The following DMTF1 variants were observed in gnomAD, a reference collection of about 807,000 sequenced individuals.
The protein encoded by DMTF1 is cyclin-D-binding Myb-like transcription factor 1.
Under a neutral mutation model 91.1 loss-of-function variants are expected in DMTF1, and 39 were observed. That is an observed-to-expected ratio of 0.43 (90% CI 0.33 to 0.56). The LOEUF (loss-of-function observed/expected upper bound fraction) is 0.56, where lower values mean the gene tolerates loss of function less well. Among genes scored for constraint, DMTF1 ranks in the 20% least tolerant of loss-of-function variants. DMTF1 has a pLI of 0.05. For synonymous variants in DMTF1, 338 were observed against 309.5 expected (o/e 1.09, Z -0.97); for missense variants, 750 against 914.5 (o/e 0.82, Z 2.32).
chr7:87,190,061 C>T (rs569443759), intron 13 of DMTF1, among the ~76,000 whole-genome samples: 3 of 152,138 alleles, frequency 2.0e-5, no homozygotes, highest in East Asian at 1.9e-4. Flanking sequence ...TCATATTTCA[C>T]ATAATTTACC....
At position 87,182,745 on chromosome 7, in the gene DMTF1, G is replaced by C. The variant is rs558947863; in HGVS notation, c.820+408G>C. On this transcript the variant is annotated intron_variant, in intron 10 of 17. Coordinates refer to ENST00000331242, the MANE Select transcript of DMTF1 (RefSeq NM_001142327.2). Reference sequence around the variant, plus strand: ...TGTTTATGAAAAACTTTAGTCACAGGTAAGTCCCAAATTAGGAAGAAGCTG... The same window carrying C: ...TGTTTATGAAAAACTTTAGTCACAGCTAAGTCCCAAATTAGGAAGAAGCTG... 1.2e-4 allele frequency among the ~76,000 whole-genome samples: 18 copies of C among 152,302 alleles called. No individual in the cohort carries two copies. In the East Asian group the frequency reaches 3.5e-3, roughly 29 times the overall value.
rs868601674 is a variant in DMTF1 at position 87,179,790 on chromosome 7, G to C, written c.677+88G>C. The C allele has an allele frequency of 8.1e-6, 10 of 1,227,072 alleles. No individual in the cohort carries two copies. In the Middle Eastern group the frequency reaches 1.9e-3, roughly 234 times the overall value. 76.0% of individuals were successfully genotyped at this position (1,227,072 alleles called of 1,614,324 possible). ...CATTTTTTTAAACAATAGAAATATG[G>C]TCAAGGTATTAATTGTTGTTAATAT... is the stretch of plus-strand genomic sequence containing the variant. On this transcript the variant is annotated intron_variant, in intron 8 of 17. Coordinates refer to ENST00000331242, the MANE Select transcript of DMTF1 (RefSeq NM_001142327.2).
intron 1 of DMTF1, chr7:87,154,269 T>TA (rs1790102174): frequency 6.6e-6 from 1 of 152,258 alleles, no homozygotes; most frequent in South Asian, 2.1e-4. Context: ...AAAAAACCAT[T>TA]ATGTTACAGG....
chr7:87,161,499 C>T (rs1231123352), intron 1 of DMTF1, among the ~76,000 whole-genome samples: 1 of 151,718 alleles, frequency 6.6e-6, no homozygotes, highest in Non-Finnish European at 1.5e-5. Context: ...GAGACTCCAT[C>T]TCAAAAACCA....
At chr7:87,189,719 TA>T (rs1799304910) in intron 13 of DMTF1, among the ~76,000 whole-genome samples, 1 of 152,116 alleles carries the variant, frequency 6.6e-6, no homozygotes, top group South Asian at 2.1e-4. Context: ...ATGAGCCAGA[TA>T]GTAAATATTT....
chr7:87,194,523 T>C, intron 16 of DMTF1, 161 bp from the exon 17 acceptor site: 1 of 566,390 alleles, frequency 1.8e-6, no homozygotes, highest in East Asian at 2.9e-5. Flanking sequence ...TATGTTAGAT[T>C]GTGAGGTCAT....
rs757704181 is a variant in DMTF1 at position 87,191,030 on chromosome 7, G to A, written c.1494+3G>A. On this transcript the variant is annotated splice_donor_region_variant and intron_variant, in intron 14 of 17. Transcript: ENST00000331242. The stretch of plus-strand genomic sequence containing the variant: ...TACAGACATTTGAGATTCTTCCCGT[G>A]AGTAACGCTTCATATATATTGGCCA... 1.3e-6 allele frequency: 2 copies of A among 1,578,730 alleles called. No individual in the cohort carries two copies. Among genetic ancestry groups the A allele is most frequent in the Admixed American group, 3.5e-5 (2 of 57,954 alleles).
At chr7:87,190,677 G>A (rs1389800008) in intron 13 of DMTF1, among the ~76,000 whole-genome samples, 4 of 152,046 alleles carry the variant, frequency 2.6e-5, no homozygotes, top group African/African-American at 9.7e-5. Context: ...AGTAGGTGTG[G>A]CTGTGTTCCA....
At chr7:87,187,941 T>A (rs1211110987) in intron 12 of DMTF1, 151 bp from the exon 13 acceptor site, 6 of 605,774 alleles carry the variant, frequency 9.9e-6, no homozygotes, top group Middle Eastern at 4.4e-4. Flanking sequence ...TGTTGTTTTT[T>A]AAAATATCTT....
At chr7:87,193,091 C>G (rs1164820333) in intron 14 of DMTF1, 107 bp from the exon 15 acceptor site, 2 of 1,213,772 alleles carry the variant, frequency 1.6e-6, no homozygotes, top group Admixed American at 4.0e-5. Flanking sequence ...TTGTTCGCAC[C>G]TTCACAATGG....
intron 4 of DMTF1, among the ~76,000 whole-genome samples, chr7:87,169,506 T>C (rs1203207459): frequency 2.0e-5 from 3 of 152,146 alleles, no homozygotes; most frequent in East Asian, 3.9e-4. Context: ...CTTACTCAAT[T>C]TTCCTCCTTG....
Position 87,174,300 on chromosome 7 carries a change from TAA to T in DMTF1, c.443-292_443-291del, listed in dbSNP as rs748538091. On this transcript the variant is annotated intron_variant, in intron 6 of 17. Coordinates refer to ENST00000331242, the MANE Select transcript of DMTF1 (RefSeq NM_001142327.2). ...GCATGTTTGGCTTTTTTTATTTTTA[TAA>T]GTTTCTTTTTAGCTGTTCTATATTG... is the stretch of plus-strand genomic sequence containing the variant. Among the ~76,000 whole-genome samples the T allele has an allele frequency of 7.9e-5, 12 of 152,306 alleles. No individual in the cohort carries two copies. The East Asian group carries it at 1.7e-3, about 22-fold the overall frequency.
chr7:87,175,811 T>C (rs190588557), intron 7 of DMTF1, among the ~76,000 whole-genome samples: 1 of 152,272 alleles, frequency 6.6e-6, no homozygotes, highest in African/African-American at 2.4e-5. Context: ...ATAAATAGCC[T>C]CTGGAAAACT....
In DMTF1 at chr7:87,185,861, A is replaced by G; in HGVS notation, c.1082A>G (p.Asp361Gly). The change falls in exon 12 of 18, where the codon GAC (aspartate) becomes GGC (glycine). Residue 361 changes from aspartate (D) to glycine (G), a missense_variant. Coordinates refer to ENST00000331242, the MANE Select transcript of DMTF1 (RefSeq NM_001142327.2). ...IAELDVADENDINWDLLAEGW... is the reference protein window; with the variant it reads ...IAELDVADENGINWDLLAEGW... Reference sequence around the variant, plus strand: ...GAACTTGATGTAGCTGATGAAAATGACATTAACTGGGATCTGTTAGCTGAG... The same window carrying G: ...GAACTTGATGTAGCTGATGAAAATGGCATTAACTGGGATCTGTTAGCTGAG... 1 of 1,613,914 alleles carries G rather than the reference A, an allele frequency of 6.2e-7. No homozygotes were observed. Among genetic ancestry groups the G allele is most frequent in the Non-Finnish European group, 8.5e-7 (1 of 1,179,836 alleles).
Position 87,185,907 on chromosome 7 carries a change from A to G in DMTF1, c.1128A>G (p.Ser376=), listed in dbSNP as rs777227780. Residue 376 remains serine, a synonymous_variant, in exon 12 of 18, where the codon TCA becomes TCG. Transcript: ENST00000331242. ...CTGAGGGATGGAGTAGTGTCCGTTC[A>G]CCACAATGGCTACGAAGTAAATGGT... The part of the protein sequence containing the change: ...LLAEGWSSVR[S]PQWLRSKWWT... The G allele has an allele frequency of 1.2e-6, 2 of 1,614,010 alleles. No homozygotes were observed. Among genetic ancestry groups the G allele is most frequent in the African/African-American group, 1.3e-5 (1 of 75,050 alleles).
In DMTF1 at chr7:87,184,555, A is replaced by G; in HGVS notation, c.979A>G (p.Asn327Asp). 1 of 1,614,068 alleles carries G rather than the reference A, an allele frequency of 6.2e-7. No homozygotes were observed. The highest frequency in any genetic ancestry group is 2.2e-5 in the East Asian group (1 of 44,868). The stretch of plus-strand genomic sequence containing the variant: ...AAAGCAATGTCGTTCTAAATGGCTC[A>G]ACTACCTGAATTGGAAACAGAGTGG... ...SEKQCRSKWLNYLNWKQSGGT... is the reference protein window; with the variant it reads ...SEKQCRSKWLDYLNWKQSGGT... Residue 327 changes from asparagine (N) to aspartate (D), a missense_variant, in exon 11 of 18, where the codon AAC (asparagine) becomes GAC (aspartate). Coordinates refer to ENST00000331242, the MANE Select transcript of DMTF1 (RefSeq NM_001142327.2).
chr7:87,161,521 A>C (rs572438014), intron 1 of DMTF1, among the ~76,000 whole-genome samples: 4 of 152,092 alleles, frequency 2.6e-5, no homozygotes, highest in African/African-American at 9.6e-5. Context: ...AAAAGATGAC[A>C]GCATAAAAAC....
chr7:87,193,222 ACTCCAG>A lies in DMTF1; in HGVS notation c.1520_1525del (p.Thr507_Gly509delinsSer). The A allele has an allele frequency of 6.2e-7, 1 of 1,613,340 alleles. No individual in the cohort carries two copies. Among genetic ancestry groups the A allele is most frequent in the Non-Finnish European group, 8.5e-7 (1 of 1,179,510 alleles). ...GTCTTTCCATCTACAGCCCACTGGC[ACTCCAG>A]GCACCTACCTACTTCAAACAAGCTC... is the stretch of plus-strand genomic sequence containing the variant. On this transcript the variant is annotated inframe_deletion, in exon 15 of 18. Coordinates refer to ENST00000331242, the MANE Select transcript of DMTF1 (RefSeq NM_001142327.2).
At chr7:87,165,369 G>A (rs1793595735) in intron 3 of DMTF1, among the ~76,000 whole-genome samples, 1 of 152,052 alleles carries the variant, frequency 6.6e-6, no homozygotes, top group South Asian at 2.1e-4. Context: ...AGACTTTTTT[G>A]TTAGAAACTG....
Sources: allele counts gnomAD v4.1 joint callset (sites outside exome capture counted in the v4.1 genomes callset), GRCh38; gene constraint gnomAD v4.1.1; transcripts MANE v1.5; gene names NCBI Gene and HGNC (gene_info 2026-07-23, HGNC 2026-07-21).